The following TRIM2 variants were observed in gnomAD, a reference collection of about 807,000 sequenced individuals.
TRIM2 encodes tripartite motif-containing protein 2.
TRIM2 carries 20 observed loss-of-function variants against 75.2 expected under a neutral mutation model. That is an observed-to-expected ratio of 0.27 (90% CI 0.19 to 0.39). The LOEUF (loss-of-function observed/expected upper bound fraction) is 0.39. TRIM2 is among the 10% of genes least tolerant of loss of function. The pLI, the probability that TRIM2 is intolerant of heterozygous loss-of-function variation, is 1.00. For synonymous variants in TRIM2, 373 were observed against 388.3 expected (o/e 0.96, Z 0.46); for missense variants, 660 against 990.8 (o/e 0.67, Z 4.48).
Position 153,295,843 on chromosome 4 carries a change from C to A in TRIM2, c.1317C>A (p.Ile439=). The change falls in exon 6 of 12, where the codon ATC becomes ATA. Residue 439 remains isoleucine, a synonymous_variant. Transcript: ENST00000338700. This position sits in a 1 kb window ranked among gnomAD's most constrained non-coding sequence, Gnocchi z 7.2. ...CTCTGAGACTCTATGACCAGCACATCCGAGGCAGCCCGTTTAAGCTGAAAG... is the reference window on the plus strand; with the variant it reads ...CTCTGAGACTCTATGACCAGCACATACGAGGCAGCCCGTTTAAGCTGAAAG... The part of the protein sequence containing the change: ...TLSLRLYDQH[I]RGSPFKLKVI... The A allele has an allele frequency of 6.2e-7, 1 of 1,614,068 alleles. No individual in the cohort carries two copies. Among genetic ancestry groups the A allele is most frequent in the South Asian group, 1.1e-5 (1 of 91,076 alleles).
intron 1 of TRIM2, among the ~76,000 whole-genome samples, chr4:153,169,845 T>C (rs1314065588): frequency 6.6e-6 from 1 of 152,230 alleles, no homozygotes; most frequent in Non-Finnish European, 1.5e-5. Flanking sequence ...CATGCCTAAA[T>C]ATGGGATACG....
intron 1 of TRIM2, among the ~76,000 whole-genome samples, chr4:153,249,200 G>T (rs1212149967): frequency 6.6e-6 from 1 of 152,272 alleles, no homozygotes; most frequent in Non-Finnish European, 1.5e-5. Context: ...AGAGGGGGTG[G>T]GGGAAAGACA....
intron 6 of TRIM2, among the ~76,000 whole-genome samples, chr4:153,297,798 G>A (rs189904310): frequency 5.9e-5 from 9 of 152,238 alleles, no homozygotes; most frequent in Admixed American, 2.6e-4. Context: ...TTTGAACAGT[G>A]TTTTCTCCTC....
At chr4:153,238,395 G>T (rs6813648) in intron 1 of TRIM2, among the ~76,000 whole-genome samples, 1 of 151,780 alleles carries the variant, frequency 6.6e-6, no homozygotes, top group East Asian at 1.9e-4. Flanking sequence ...ATGAATTAGC[G>T]GTTGTGAAAA....
intron 1 of TRIM2, among the ~76,000 whole-genome samples, chr4:153,215,619 C>A (rs571245157): frequency 6.2e-4 from 94 of 152,170 alleles, no homozygotes; most frequent in African/African-American, 2.2e-3. Context: ...TTCCGTTGAG[C>A]TGTTGCCTTA....
chr4:153,234,265 T>C (rs28496543), intron 1 of TRIM2, among the ~76,000 whole-genome samples: 42,924 of 152,056 alleles, frequency 0.28, 9,710 homozygotes, highest in African/African-American at 0.63. Context: ...TCTATGATGT[T>C]GCTTGCATCT....
intron 1 of TRIM2, among the ~76,000 whole-genome samples, chr4:153,260,405 G>A (rs1385427257): frequency 1.3e-5 from 2 of 151,902 alleles, no homozygotes; most frequent in Non-Finnish European, 2.9e-5. Context: ...CTTAACAATC[G>A]GCTGCCAAAG....
upstream of TRIM2, among the ~76,000 whole-genome samples, chr4:153,200,848 C>T (rs1734286188): frequency 6.7e-6 from 1 of 149,428 alleles, no homozygotes; most frequent in Non-Finnish European, 1.5e-5. Context: ...GACCGGGTCT[C>T]ACCATGTTCC....
rs184517822 is a variant in TRIM2 at position 153,284,181 on chromosome 4, G to T, written c.453+8051G>T. 5.5e-3 allele frequency among the ~76,000 whole-genome samples: 821 copies of T among 149,950 alleles called. 7 individuals carry two copies. The highest frequency in any genetic ancestry group is 9.0e-3 in the Non-Finnish European group (608 of 67,418). ...GGCATAAGCCATTGCGCCTGGCCTG[G>T]TTTTTTTTGTTTTGTTTTTTGTTTT... On this transcript the variant is annotated intron_variant, in intron 3 of 11. Coordinates refer to ENST00000338700, the MANE Select transcript of TRIM2 (RefSeq NM_015271.5).
At chr4:153,316,424 T>G (rs907909285) in intron 8 of TRIM2, among the ~76,000 whole-genome samples, 1 of 152,180 alleles carries the variant, frequency 6.6e-6, no homozygotes, top group African/African-American at 2.4e-5. Flanking sequence ...GAAACAGAAT[T>G]GTAAAAAATA....
At chr4:153,249,684 C>T (rs927773804) in intron 1 of TRIM2, among the ~76,000 whole-genome samples, 6 of 152,220 alleles carry the variant, frequency 3.9e-5, no homozygotes, top group Admixed American at 1.3e-4. Context: ...CACGGAGACT[C>T]CCGAACTCTT....
In TRIM2 at chr4:153,251,721, G is replaced by A. The variant is rs536138466; in HGVS notation, c.31-18614G>A. On this transcript the variant is annotated intron_variant, in intron 1 of 11. Transcript: ENST00000338700. ...AGGCCAGGTGCAGTGGCTCATGCCT[G>A]TAATTTCAACACTTTGGGAAGCTGA... Among the ~76,000 whole-genome samples the A allele has an allele frequency of 2.6e-5, 4 of 152,250 alleles. No individual in the cohort carries two copies. In the South Asian group the frequency reaches 6.2e-4, roughly 24 times the overall value.
At chr4:153,313,823 G>A (rs1174895972) in intron 6 of TRIM2, among the ~76,000 whole-genome samples, 1 of 151,022 alleles carries the variant, frequency 6.6e-6, no homozygotes, top group African/African-American at 2.5e-5. Context: ...TTTTAGTAGA[G>A]ATGGGGTTTC....
chr4:153,308,775 T>A, intron 6 of TRIM2: 1 of 511,666 alleles, frequency 2.0e-6, no homozygotes, highest in Non-Finnish European at 3.9e-6. Flanking sequence ...TGAAGGAAGC[T>A]GGGCTGGGCA....
intron 1 of TRIM2, among the ~76,000 whole-genome samples, chr4:153,245,271 A>G (rs912105711): frequency 3.9e-5 from 6 of 152,190 alleles, no homozygotes; most frequent in Non-Finnish European, 5.9e-5. Context: ...AACTGTAGGT[A>G]TTGTTTTTCA....
At chr4:153,316,037 A>C in intron 8 of TRIM2, 38 bp downstream of exon 8, 5 of 1,501,450 alleles carry the variant, frequency 3.3e-6, no homozygotes, top group Non-Finnish European at 4.4e-6. Context: ...AACAATGGAG[A>C]GAAGGAACAG....
At chr4:153,326,353 T>G (rs566657838) in intron 10 of TRIM2, among the ~76,000 whole-genome samples, 203 of 152,348 alleles carry the variant, frequency 1.3e-3, no homozygotes, top group African/African-American at 4.5e-3. Context: ...TCTTCTTGTT[T>G]TAAAAAACCA....
rs374222449 is a variant in TRIM2 at position 153,276,049 on chromosome 4, C to T, written c.372C>T (p.Asn124=). Residue 124 remains asparagine (N), a synonymous_variant, in exon 3 of 12, where the codon AAC becomes AAT. Coordinates refer to ENST00000338700, the MANE Select transcript of TRIM2 (RefSeq NM_015271.5). ...MDVLQRTPGS[N]AEESSILETV... ...TGCTGCAGCGAACTCCAGGCAGCAA[C>T]GCTGAGGAGTCTTCCATCCTGGAGA... 9 of 1,614,254 alleles carry T rather than the reference C, an allele frequency of 5.6e-6. No individual in the cohort carries two copies. In the East Asian group the frequency reaches 6.7e-5, roughly 12 times the overall value.
chr4:153,296,099 G>T, intron 6 of TRIM2, 63 bp downstream of exon 6: 1 of 1,492,066 alleles, frequency 6.7e-7, no homozygotes, highest in East Asian at 2.3e-5. Flanking sequence ...AACTGGGCAC[G>T]TGTCATTGCA....
Sources: allele counts gnomAD v4.1 joint callset (sites outside exome capture counted in the v4.1 genomes callset), GRCh38; gene constraint gnomAD v4.1.1; non-coding constraint Gnocchi (gnomAD v3.1); transcripts MANE v1.5; gene names NCBI Gene and HGNC (gene_info 2026-07-23, HGNC 2026-07-21).